Variants in SLC9A6 observed in about 807,000 individuals in gnomAD.
SLC9A6 encodes the protein solute carrier family 9 member A6, also known as sodium/hydrogen exchanger 6.
Under a neutral mutation model 45.3 loss-of-function variants are expected in SLC9A6, and 6 were observed. The ratio of observed to expected loss-of-function variants is 0.13; its 90% CI spans 0.07 to 0.26. The LOEUF (loss-of-function observed/expected upper bound fraction) is 0.26. SLC9A6 is among the 10% of genes least tolerant of loss of function. The pLI is 1.00. For missense variants in SLC9A6, 278 were observed against 503.7 expected, an observed-to-expected ratio of 0.55 and a Z score of 4.29; for synonymous variants, 191 against 187.7, an observed-to-expected ratio of 1.02 and a Z score of -0.14.
rs1556616284 is a variant in SLC9A6 at position 135,994,950 on chromosome X, C to T, written c.334C>T (p.Leu112Phe). ...MLKGEISSHELNNVQDNEMLR... is the reference protein window; with the variant it reads ...MLKGEISSHEFNNVQDNEMLR... ...GAAAGGAGAGATTAGTTCACATGAA[C>T]TCAATAATGTTCAAGATAATGAAAT... is the stretch of plus-strand genomic sequence containing the variant. Residue 112 changes from leucine (L) to phenylalanine (F), a missense_variant, in exon 3 of 18, where the codon CTC becomes TTC. Coordinates refer to ENST00000630721, the MANE Select transcript of SLC9A6 (RefSeq NM_001379110.1). 8.3e-7 allele frequency: 1 copy of T among 1,198,726 alleles called. No individual in the cohort carries two copies. Among genetic ancestry groups the T allele is most frequent in the Non-Finnish European group, 1.1e-6 (1 of 883,929 alleles).
upstream of SLC9A6, among the ~76,000 whole-genome samples, chrX:135,982,755 T>C (rs1002476234): frequency 1.8e-5 from 2 of 112,321 alleles, no homozygotes; most frequent in African/African-American, 6.5e-5. Context: ...ATCAAAGGCG[T>C]AAGCCACCAT....
intron 2 of SLC9A6, among the ~76,000 whole-genome samples, chrX:135,991,547 C>T (rs192868698): frequency 1.8e-4 from 20 of 111,159 alleles, no homozygotes; most frequent in Admixed American, 1.2e-3. Context: ...TGAGCCACTG[C>T]GCCCGGCTGG....
chrX:136,036,421 A>C (rs904214647), intron 16 of SLC9A6, among the ~76,000 whole-genome samples: 7 of 109,698 alleles, frequency 6.4e-5, no homozygotes, highest in African/African-American at 2.0e-4. Context: ...TTTGTTGTTG[A>C]TTATTGTATT....
chrX:136,006,607 A>G (rs1282283629), intron 7 of SLC9A6, among the ~76,000 whole-genome samples: 1 of 109,893 alleles, frequency 9.1e-6, no homozygotes. Context: ...ATCTATATGT[A>G]TATTGATATA....
chrX:136,045,364 A>C lies in SLC9A6; in HGVS notation c.*640A>C, dbSNP rs947389427. ...ACAGTACACTGTTGTTCAGAAAAGA[A>C]GGCTGCAAATGACTTCTGAGACTTT... On this transcript the variant is annotated 3_prime_UTR_variant, in exon 18 of 18. Coordinates refer to ENST00000630721, the MANE Select transcript of SLC9A6 (RefSeq NM_001379110.1). The C allele has an allele frequency of 2.7e-5, 3 of 112,830 alleles. No homozygotes were observed. Among genetic ancestry groups the C allele is most frequent in the Non-Finnish European group, 5.6e-5 (3 of 53,826 alleles). The allele number at this position is 112,830 out of a possible 1,213,427, so 9.3% of individuals were successfully genotyped here. A position where few individuals can be genotyped will look rare whatever the true frequency, so the allele number is the denominator to read the frequency against.
chrX:136,027,509 G>A (rs2071250033), intron 13 of SLC9A6, among the ~76,000 whole-genome samples: 1 of 111,978 alleles, frequency 8.9e-6, no homozygotes, highest in Non-Finnish European at 1.9e-5. Flanking sequence ...AGATCCTATG[G>A]AAGCAGGGGT....
chrX:136,000,846 A>G (rs1025987455), intron 6 of SLC9A6, among the ~76,000 whole-genome samples: 2 of 111,087 alleles, frequency 1.8e-5, no homozygotes, highest in African/African-American at 6.6e-5. Flanking sequence ...TATACTGGAC[A>G]TGGTGGCTCA....
chrX:135,977,484 C>T (rs1296546179), intron 1 of SLC9A6, among the ~76,000 whole-genome samples: 3 of 112,025 alleles, frequency 2.7e-5, no homozygotes, highest in Non-Finnish European at 5.6e-5. Context: ...GATTCTCCCT[C>T]GATCTGGCAC....
At chrX:135,985,410 C>A, upstream of SLC9A6, 1 of 604,372 alleles carries the variant, frequency 1.7e-6, no homozygotes, top group African/African-American at 2.4e-5. Context: ...CCGACGGCTA[C>A]CCCCGGGCCC....
chrX:136,044,523 A>G lies in SLC9A6; in HGVS notation c.1839A>G (p.Gly613=). 3 of 1,207,628 alleles carry G rather than the reference A, an allele frequency of 2.5e-6. No individual in the cohort carries two copies. The highest frequency in any genetic ancestry group is 3.4e-6 in the Non-Finnish European group (3 of 891,727). Residue 613 remains glycine (G), a synonymous_variant, in exon 18 of 18, where the codon GGA becomes GGG. Coordinates refer to ENST00000630721, the MANE Select transcript of SLC9A6 (RefSeq NM_001379110.1). The part of the protein sequence containing the change: ...LNDGDISLTY[G]DSTVNTEPAT... ...ATGGTGACATCAGTTTGACATATGG[A>G]GATTCTACTGTGAACACTGAACCGG... is the stretch of plus-strand genomic sequence containing the variant.
intron 1 of SLC9A6, chrX:135,975,137 C>T (rs1468227036): frequency 1.8e-5 from 2 of 112,898 alleles, no homozygotes; most frequent in African/African-American, 6.5e-5. Context: ...TCCTTAGCTC[C>T]AGGGCTGCAT....
intron 7 of SLC9A6, among the ~76,000 whole-genome samples, chrX:136,006,148 G>C (rs1246251595): frequency 9.0e-6 from 1 of 111,728 alleles, no homozygotes; most frequent in Non-Finnish European, 1.9e-5. Flanking sequence ...AATTTTCTTA[G>C]TTTGAGGATT....
chrX:136,001,336 CA>C (rs569372174), intron 6 of SLC9A6, among the ~76,000 whole-genome samples: 262 of 23,580 alleles, frequency 0.011, 1 homozygote, highest in African/African-American at 0.025. Context: ...GACTCCATCT[CA>C]AAAAAAAAAA....
At chrX:136,020,174 C>A (rs186230101) in intron 11 of SLC9A6, among the ~76,000 whole-genome samples, 86 of 111,261 alleles carry the variant, frequency 7.7e-4, no homozygotes, top group African/African-American at 2.5e-3. Context: ...ATTCCCCCCC[C>A]TTCCCCCGCC....
At chrX:136,026,943 A>G (rs961968710) in intron 13 of SLC9A6, among the ~76,000 whole-genome samples, 11 of 111,687 alleles carry the variant, frequency 9.8e-5, no homozygotes, top group Admixed American at 9.6e-5. Flanking sequence ...CTCTGCTGGC[A>G]TCTAGTGAGT....
At chrX:136,017,255 C>T (rs1303817574) in intron 11 of SLC9A6, among the ~76,000 whole-genome samples, 3 of 109,072 alleles carry the variant, frequency 2.8e-5, no homozygotes, top group African/African-American at 1.0e-4. Flanking sequence ...TCTTTACAAA[C>T]AAAATTTTAA....
At chrX:136,004,894 A>C (rs2089634242) in intron 7 of SLC9A6, among the ~76,000 whole-genome samples, 2 of 112,443 alleles carry the variant, frequency 1.8e-5, no homozygotes, top group African/African-American at 6.5e-5. Context: ...GTATGGTTAT[A>C]AAAAATGTTA....
At chrX:135,980,417 A>G (rs1328501241), upstream of SLC9A6, among the ~76,000 whole-genome samples, 1 of 110,282 alleles carries the variant, frequency 9.1e-6, no homozygotes, top group Non-Finnish European at 1.9e-5. Context: ...AAACTTATCT[A>G]TGCTGTTCAG....
intron 15 of SLC9A6, 37 bp downstream of exon 15, chrX:136,030,199 C>T: frequency 8.6e-7 from 1 of 1,168,693 alleles, no homozygotes; most frequent in African/African-American, 1.8e-5. Flanking sequence ...GCATTTCTGT[C>T]AAATGTGCAG....
Sources: gnomAD v4.1 joint callset for allele counts (sites outside exome capture counted in the v4.1 genomes callset) on GRCh38, gnomAD v4.1.1 for gene constraint, MANE v1.5 for transcripts, NCBI Gene and HGNC (gene_info 2026-07-23, HGNC 2026-07-21) for gene names.